Variants in PPP2R3A observed in about 807,000 individuals in gnomAD.
PPP2R3A encodes serine/threonine-protein phosphatase 2A regulatory subunit B'' subunit alpha.
Under a neutral mutation model 106.9 loss-of-function variants are expected in PPP2R3A, and 80 were observed. That is an observed-to-expected ratio of 0.75 (90% CI 0.62 to 0.90). The LOEUF (loss-of-function observed/expected upper bound fraction) is 0.90. Ranked by LOEUF, PPP2R3A falls within the 40% of genes least tolerant of loss-of-function variation. PPP2R3A has a pLI of 0.00. For synonymous variants in PPP2R3A, 483 were observed against 468.3 expected, an observed-to-expected ratio of 1.03 and a Z score of -0.41; for missense variants, 1,386 against 1,350.4, an observed-to-expected ratio of 1.03 and a Z score of -0.41.
intron 2 of PPP2R3A, among the ~76,000 whole-genome samples, chr3:136,025,203 A>G (rs548302249): frequency 6.6e-6 from 1 of 152,194 alleles, no homozygotes; most frequent in Admixed American, 6.6e-5. Flanking sequence ...CCTCACAACA[A>G]CCTTCTAAGA....
intron 2 of PPP2R3A, among the ~76,000 whole-genome samples, chr3:136,018,022 T>A (rs1234380396): frequency 6.6e-6 from 1 of 152,214 alleles, no homozygotes; most frequent in Non-Finnish European, 1.5e-5. Context: ...ATCCCAGCAC[T>A]TTGAGAGGCT....
At chr3:136,074,392 G>C (rs1280340198) in intron 6 of PPP2R3A, among the ~76,000 whole-genome samples, 5 of 152,202 alleles carry the variant, frequency 3.3e-5, no homozygotes, top group African/African-American at 9.7e-5. Context: ...CCTAAAGTCA[G>C]TCTGTATTCT....
chr3:136,133,035 AAAT>A (rs771648148), intron 13 of PPP2R3A, among the ~76,000 whole-genome samples: 4 of 152,194 alleles, frequency 2.6e-5, no homozygotes, highest in Non-Finnish European at 5.9e-5. Flanking sequence ...CTAAATATAA[AAAT>A]AATTAAAAAG....
chr3:136,118,293 G>C (rs1317046995), intron 13 of PPP2R3A, among the ~76,000 whole-genome samples: 2 of 152,146 alleles, frequency 1.3e-5, no homozygotes, highest in African/African-American at 4.8e-5. Context: ...GCAAAAACTG[G>C]AAACATTCCC....
At chr3:136,061,636 C>T (rs897121083) in intron 5 of PPP2R3A, among the ~76,000 whole-genome samples, 4 of 145,260 alleles carry the variant, frequency 2.8e-5, no homozygotes, top group South Asian at 2.2e-4. Flanking sequence ...AAAAAGCAAG[C>T]GAGGCCGGGC....
intron 13 of PPP2R3A, among the ~76,000 whole-genome samples, chr3:136,130,703 A>C (rs539835839): frequency 2.0e-5 from 3 of 152,176 alleles, no homozygotes; most frequent in African/African-American, 7.2e-5. Context: ...CATTGCCAAG[A>C]CAATCCTAAG....
In PPP2R3A at chr3:136,022,768, C is replaced by T. The variant is rs1934509946; in HGVS notation, c.1996-4064C>T. The T allele has an allele frequency of 3.5e-6, 4 of 1,150,676 alleles. 1 individual carries two copies. In the South Asian group the frequency reaches 8.6e-5, roughly 25 times the overall value. 71.3% of individuals were successfully genotyped at this position (1,150,676 alleles called of 1,614,324 possible). A position where few individuals can be genotyped will look rare whatever the true frequency, so the allele number is the denominator to read the frequency against. ...GAAGGCTCCATATTCTCAACATGTG[C>T]AGGTCAATTTGACATAAAGCTACCA... On this transcript the variant is annotated intron_variant, in intron 2 of 13. Coordinates refer to ENST00000264977, the MANE Select transcript of PPP2R3A (RefSeq NM_002718.5).
intron 13 of PPP2R3A, among the ~76,000 whole-genome samples, chr3:136,125,337 A>T (rs1938143066): frequency 1.3e-5 from 2 of 152,194 alleles, no homozygotes; most frequent in Admixed American, 6.5e-5. Flanking sequence ...TAAAAAATTT[A>T]AAAAAGGAGA....
chr3:136,082,680 C>T (rs1012559591), intron 8 of PPP2R3A, among the ~76,000 whole-genome samples: 1 of 152,192 alleles, frequency 6.6e-6, no homozygotes, highest in African/African-American at 2.4e-5. Flanking sequence ...AGTCTTTATA[C>T]TGGTGTGTAT....
chr3:136,045,004 G>C (rs1269633639), intron 4 of PPP2R3A, among the ~76,000 whole-genome samples: 1 of 152,142 alleles, frequency 6.6e-6, no homozygotes, highest in Non-Finnish European at 1.5e-5. Flanking sequence ...ACAACCATAG[G>C]CACCTATCCC....
chr3:136,078,583 A>G, intron 7 of PPP2R3A, 130 bp downstream of exon 7: 1 of 647,234 alleles, frequency 1.5e-6, no homozygotes, highest in Non-Finnish European at 2.7e-6. Flanking sequence ...CATTTATCAA[A>G]TACCTGTCGT....
At chr3:136,120,094 T>A (rs2107998947) in intron 13 of PPP2R3A, among the ~76,000 whole-genome samples, 1 of 127,738 alleles carries the variant, frequency 7.8e-6, no homozygotes, top group East Asian at 2.6e-4. Context: ...CTCAGCAAAC[T>A]AACACAGGGA....
At chr3:136,131,396 A>G (rs1938410720) in intron 13 of PPP2R3A, among the ~76,000 whole-genome samples, 1 of 152,288 alleles carries the variant, frequency 6.6e-6, no homozygotes, top group Non-Finnish European at 1.5e-5. Flanking sequence ...TATGCAGCCA[A>G]CAGACACATG....
intron 5 of PPP2R3A, among the ~76,000 whole-genome samples, chr3:136,065,713 G>C (rs950588375): frequency 1.4e-4 from 21 of 152,330 alleles, no homozygotes; most frequent in African/African-American, 5.1e-4. Context: ...ATCTCGCTCT[G>C]TTTCCCAGCT....
At chr3:136,027,217 A>G (rs1049491342) in intron 3 of PPP2R3A, 119 bp downstream of exon 3, 14 of 901,826 alleles carry the variant, frequency 1.6e-5, no homozygotes, top group African/African-American at 6.8e-5. Context: ...GTTTTTAAGC[A>G]TGCATGGAAT....
intron 7 of PPP2R3A, among the ~76,000 whole-genome samples, chr3:136,080,612 T>TA (rs931265008): frequency 1.3e-5 from 2 of 152,218 alleles, no homozygotes; most frequent in African/African-American, 4.8e-5. Flanking sequence ...AACAAAGTAA[T>TA]ATGAGCAAGT....
intron 1 of PPP2R3A, 27 bp downstream of exon 1, chr3:135,965,876 G>T (rs1937065347): frequency 6.6e-6 from 1 of 151,698 alleles, no homozygotes; most frequent in Admixed American, 6.6e-5. Context: ...TGGCCGCACG[G>T]CCTGGAGCCT....
chr3:136,045,345 G>A (rs1935435990), intron 4 of PPP2R3A, among the ~76,000 whole-genome samples: 1 of 152,206 alleles, frequency 6.6e-6, no homozygotes, highest in Non-Finnish European at 1.5e-5. Context: ...AGGCCCCCAG[G>A]GTTAGAGCAC....
At chr3:136,139,691 CAAAA>C (rs778189558) in intron 13 of PPP2R3A, among the ~76,000 whole-genome samples, 4 of 54,746 alleles carry the variant, frequency 7.3e-5, no homozygotes, top group African/African-American at 1.4e-4. Flanking sequence ...GACTCCATCT[CAAAA>C]AAAAAAAAAA....
Sources: gnomAD v4.1 joint callset for allele counts (sites outside exome capture counted in the v4.1 genomes callset) on GRCh38, gnomAD v4.1.1 for gene constraint, MANE v1.5 for transcripts, NCBI Gene and HGNC (gene_info 2026-07-23, HGNC 2026-07-21) for gene names.